ADGRG6: variants seen among roughly 807,000 people sequenced by gnomAD.
ADGRG6 encodes G-protein coupled receptor 126.
Under a neutral mutation model 142.4 loss-of-function variants are expected in ADGRG6, and 84 were observed. That is an observed-to-expected ratio of 0.59 (90% CI 0.49 to 0.71). The LOEUF is 0.71. ADGRG6 is among the 30% of genes least tolerant of loss of function. The pLI, the probability that ADGRG6 is intolerant of heterozygous loss-of-function variation, is 0.00. For synonymous variants in ADGRG6, 521 were observed against 520.5 expected (o/e 1.00, Z -0.01); for missense variants, 1,367 against 1,466.6 (o/e 0.93, Z 1.11).
chr6:142,324,553 C>T (rs1052821750), intron 2 of ADGRG6, among the ~76,000 whole-genome samples: 1 of 152,206 alleles, frequency 6.6e-6, no homozygotes, highest in African/African-American at 2.4e-5. Flanking sequence ...TCTCAAATGC[C>T]TCTTCATGTA....
intron 4 of ADGRG6, among the ~76,000 whole-genome samples, chr6:142,371,935 T>A (rs1419202142): frequency 1.3e-5 from 2 of 152,214 alleles, no homozygotes; most frequent in Non-Finnish European, 2.9e-5. Context: ...ACTGTCCATT[T>A]TATAGAAAAT....
chr6:142,309,583 A>G lies in ADGRG6; in HGVS notation c.42A>G (p.Lys14=). 1 of 1,609,760 alleles carries G rather than the reference A, an allele frequency of 6.2e-7. No individual in the cohort carries two copies. Among genetic ancestry groups the G allele is most frequent in the Non-Finnish European group, 8.5e-7 (1 of 1,177,682 alleles). Residue 14 remains lysine (K), a synonymous_variant, in exon 2 of 25, where the codon AAA becomes AAG. Coordinates refer to ENST00000367609, the MANE Select transcript of ADGRG6 (RefSeq NM_198569.3). The stretch of plus-strand genomic sequence containing the variant: ...ATCGAATGTGGAGCTGCCATTGGAA[A>G]TGGAAGCCCAGTCCTCTCCTGTTCT... The part of the protein sequence containing the change: ...RSDRMWSCHW[K]WKPSPLLFLF...
intron 22 of ADGRG6, among the ~76,000 whole-genome samples, chr6:142,429,044 A>G (rs1777089311): frequency 6.6e-6 from 1 of 152,202 alleles, no homozygotes; most frequent in Admixed American, 6.5e-5. Flanking sequence ...TACAAGCAGA[A>G]AATTTTGTGG....
chr6:142,404,003 A>C (rs750714319), intron 14 of ADGRG6, 30 bp downstream of exon 14: 1 of 1,515,922 alleles, frequency 6.6e-7, no homozygotes, highest in Non-Finnish European at 9.1e-7. Flanking sequence ...TTTCATTTTA[A>C]TTAATTAGTT....
At chr6:142,387,130 A>G (rs796916991) in intron 6 of ADGRG6, among the ~76,000 whole-genome samples, 3 of 152,338 alleles carry the variant, frequency 2.0e-5, no homozygotes, top group African/African-American at 7.2e-5. Context: ...ATATTTCAGG[A>G]TATGGGTAAT....
chr6:142,393,847 G>C lies in ADGRG6; in HGVS notation c.1362-49G>C, dbSNP rs1375328359. Reference sequence around the variant, plus strand: ...CAGGTCCCCAAATTTTATTGTTGATGATGTAGTTGGTGAGGTGGATTAATG... The same window carrying C: ...CAGGTCCCCAAATTTTATTGTTGATCATGTAGTTGGTGAGGTGGATTAATG... On this transcript the variant is annotated intron_variant, in intron 8 of 24. Coordinates refer to ENST00000367609, the MANE Select transcript of ADGRG6 (RefSeq NM_198569.3). 2.7e-6 allele frequency: 3 copies of C among 1,104,826 alleles called. No individual in the cohort carries two copies. The African/African-American group carries it at 4.7e-5, about 17-fold the overall frequency. The allele number at this position is 1,104,826 out of a possible 1,614,324, so 68.4% of individuals were successfully genotyped here. A position where few individuals can be genotyped will look rare whatever the true frequency, so the allele number is the denominator to read the frequency against.
At chr6:142,345,406 G>A (rs1281721312) in intron 2 of ADGRG6, among the ~76,000 whole-genome samples, 1 of 151,938 alleles carries the variant, frequency 6.6e-6, no homozygotes, top group African/African-American at 2.4e-5. Context: ...CTAACCCAAA[G>A]TTTGTAAATA....
At chr6:142,436,676 C>A (rs1777504105) in intron 22 of ADGRG6, among the ~76,000 whole-genome samples, 1 of 151,892 alleles carries the variant, frequency 6.6e-6, no homozygotes, top group African/African-American at 2.4e-5. Flanking sequence ...TGGACATAAC[C>A]AAGTATAGAG....
chr6:142,321,197 A>T (rs1778496252), intron 2 of ADGRG6, among the ~76,000 whole-genome samples: 1 of 151,926 alleles, frequency 6.6e-6, no homozygotes, highest in Non-Finnish European at 1.5e-5. Context: ...ATTAAATTAA[A>T]AAAATGGCAA....
In ADGRG6 at chr6:142,417,282, C is replaced by T. The variant is rs1283798977; in HGVS notation, c.2948C>T (p.Ala983Val). The part of the protein sequence containing the change: ...KFCIIGWGLP[A>V]LVVSVVLASR... ...GGTGTTTTTGTAACAGGTTTGCCTG[C>T]CTTAGTGGTGTCAGTTGTTCTAGCG... The change falls in exon 21 of 25, where the codon GCC (alanine) becomes GTC (valine). Residue 983 changes from alanine to valine, a missense_variant. By Grantham distance (64) the Ala-to-Val change is moderately conservative (BLOSUM62 0). This residue lies in a region of ADGRG6 where 344 missense variants were observed against 348.7 expected (regional missense o/e 0.99). Coordinates refer to ENST00000367609, the MANE Select transcript of ADGRG6 (RefSeq NM_198569.3). The T allele has an allele frequency of 3.8e-6, 6 of 1,585,462 alleles. No individual in the cohort carries two copies. Among genetic ancestry groups the T allele is most frequent in the Non-Finnish European group, 5.2e-6 (6 of 1,155,910 alleles).
intron 18 of ADGRG6, among the ~76,000 whole-genome samples, chr6:142,414,072 TACATCCCTTCTGTAAGA>T (rs961428834): frequency 1.3e-5 from 2 of 152,114 alleles, no homozygotes; most frequent in African/African-American, 4.8e-5. Flanking sequence ...AGATATTCAA[TACATCCCTTCTGTAAGA>T]ACACTCCATT....
In ADGRG6 at chr6:142,420,121, A is replaced by G. The variant is rs1359415119; in HGVS notation, c.3319+17A>G. Reference sequence around the variant, plus strand: ...CATTACAAGGTAAGATAAATTGTACATGAATAGTCTCTGCTTTCTAATTTT... The same window carrying G: ...CATTACAAGGTAAGATAAATTGTACGTGAATAGTCTCTGCTTTCTAATTTT... On this transcript the variant is annotated intron_variant, in intron 22 of 24. Coordinates refer to ENST00000367609, the MANE Select transcript of ADGRG6 (RefSeq NM_198569.3). 2.5e-6 allele frequency: 4 copies of G among 1,584,738 alleles called. No individual in the cohort carries two copies. Among genetic ancestry groups the G allele is most frequent in the Non-Finnish European group, 3.5e-6 (4 of 1,155,960 alleles).
chr6:142,380,248 G>T (rs1562352250), intron 4 of ADGRG6, among the ~76,000 whole-genome samples: 1 of 152,100 alleles, frequency 6.6e-6, no homozygotes, highest in Non-Finnish European at 1.5e-5. Flanking sequence ...GTTAATGCTG[G>T]AGGGGTGTAA....
chr6:142,425,385 T>C (rs962075029), intron 22 of ADGRG6, among the ~76,000 whole-genome samples: 4 of 152,184 alleles, frequency 2.6e-5, no homozygotes, highest in Non-Finnish European at 5.9e-5. Flanking sequence ...TTAGGAAGCA[T>C]GCTGCTACAA....
In ADGRG6 at chr6:142,417,317, A is replaced by C; in HGVS notation, c.2983A>C (p.Asn995His). The change falls in exon 21 of 25, where the codon AAC becomes CAC. Residue 995 changes from asparagine (N) to histidine (H), a missense_variant. Asn to His is a moderately conservative substitution (Grantham distance 68). Transcript: ENST00000367609. ...VVSVVLASRN[N>H]NEVYGKESYG... ...GTCAGTTGTTCTAGCGAGCAGAAACAACAATGAAGTCTATGGAAAAGAAAG... is the reference window on the plus strand; with the variant it reads ...GTCAGTTGTTCTAGCGAGCAGAAACCACAATGAAGTCTATGGAAAAGAAAG... The C allele has an allele frequency of 1.2e-6, 2 of 1,606,596 alleles. No individual in the cohort carries two copies. Among genetic ancestry groups the C allele is most frequent in the Non-Finnish European group, 1.7e-6 (2 of 1,174,490 alleles).
intron 2 of ADGRG6, among the ~76,000 whole-genome samples, chr6:142,360,709 A>G (rs1780670806): frequency 2.6e-5 from 4 of 151,878 alleles, no homozygotes; most frequent in Admixed American, 2.6e-4. Flanking sequence ...CCCAGGCTGG[A>G]GTGTAGTGGT....
rs891618998 is a variant in ADGRG6, at chr6:142,446,121, A to G, written c.*2606A>G. The G allele has an allele frequency of 1.3e-5, 2 of 152,608 alleles. No homozygotes were observed. The highest frequency in any genetic ancestry group is 4.8e-5 in the African/African-American group (2 of 41,460). 9.5% of individuals were successfully genotyped at this position (152,608 alleles called of 1,614,324 possible). A position where few individuals can be genotyped will look rare whatever the true frequency, so the allele number is the denominator to read the frequency against. Reference sequence around the variant, plus strand: ...CTTTGTGAAATCATTTTTGGTAGCAATATCTTTGAATATGATGAATAAAAG... The same window carrying G: ...CTTTGTGAAATCATTTTTGGTAGCAGTATCTTTGAATATGATGAATAAAAG... On this transcript the variant is annotated 3_prime_UTR_variant, in exon 25 of 25. Transcript: ENST00000367609.
Position 142,392,989 on chromosome 6 carries a change from C to A in ADGRG6, c.1350C>A (p.Val450=). ...AAAATTGGAACTACACGGTTTATGT[C>A]GTTAATATCAGGTAAGACAGAATAA... ...TFQNWNYTVY[V]VNISFHLSAG... The change falls in exon 8 of 25, where the codon GTC becomes GTA. Residue 450 remains valine, a synonymous_variant. Coordinates refer to ENST00000367609, the MANE Select transcript of ADGRG6 (RefSeq NM_198569.3). The A allele has an allele frequency of 6.5e-7, 1 of 1,547,474 alleles. No individual in the cohort carries two copies. The highest frequency in any genetic ancestry group is 8.9e-7 in the Non-Finnish European group (1 of 1,120,474).
In ADGRG6 at chr6:142,331,716, T is replaced by C. The variant is rs531332359; in HGVS notation, c.103+22072T>C. Among the ~76,000 whole-genome samples the C allele has an allele frequency of 1.6e-4, 24 of 150,856 alleles. 1 individual carries two copies. Among genetic ancestry groups the C allele is most frequent in the South Asian group, 1.5e-3 (7 of 4,802 alleles). On this transcript the variant is annotated intron_variant, in intron 2 of 24. Coordinates refer to ENST00000367609, the MANE Select transcript of ADGRG6 (RefSeq NM_198569.3). Reference sequence around the variant, plus strand: ...ATAATGAAAACTATTGCCTTCTCTGTTTTTTTTGTAAACGCTCTTTTTTTG... The same window carrying C: ...ATAATGAAAACTATTGCCTTCTCTGCTTTTTTTGTAAACGCTCTTTTTTTG...
Sources: allele counts gnomAD v4.1 joint callset (sites outside exome capture counted in the v4.1 genomes callset), GRCh38; gene constraint gnomAD v4.1.1; regional missense constraint gnomAD v4.1.1; transcripts MANE v1.5; gene names NCBI Gene and HGNC (gene_info 2026-07-23, HGNC 2026-07-21).